Variants in DUSP22 observed in about 807,000 individuals in gnomAD.
DUSP22 encodes the protein dual specificity phosphatase 22.
A neutral mutation model predicts 24.5 loss-of-function variants in DUSP22; 24 were observed. That is an observed-to-expected ratio of 0.98 (90% CI 0.71 to 1.38). The LOEUF is 1.38. DUSP22 is among the 40% of genes most tolerant of loss of function. The pLI, the probability that DUSP22 is intolerant of heterozygous loss-of-function variation, is 0.00. For missense variants in DUSP22, 330 were observed against 269.2 expected (o/e 1.23, Z -1.58); for synonymous variants, 160 against 106.4 (o/e 1.50, Z -3.10).
At chr6:323,556 C>T (rs1316707466) in intron 3 of DUSP22, among the ~76,000 whole-genome samples, 2 of 152,306 alleles carry the variant, frequency 1.3e-5, no homozygotes, top group Non-Finnish European at 2.9e-5. Flanking sequence ...ATCCACAAGG[C>T]CCTTGGCTCC....
At chr6:312,303 A>G (rs1033324335) in intron 3 of DUSP22, among the ~76,000 whole-genome samples, 7 of 151,830 alleles carry the variant, frequency 4.6e-5, no homozygotes, top group South Asian at 2.1e-4. Context: ...TTAAAATCCA[A>G]AAAACTTCAG....
At chr6:343,350 C>T (rs1376674062) in intron 4 of DUSP22, among the ~76,000 whole-genome samples, 1 of 86,506 alleles carries the variant, frequency 1.2e-5, no homozygotes, top group East Asian at 4.2e-4. Flanking sequence ...TTGCAGGCCA[C>T]AGTAGACAGG....
At chr6:347,293 A>G (rs1008382172) in intron 5 of DUSP22, among the ~76,000 whole-genome samples, 4 of 152,302 alleles carry the variant, frequency 2.6e-5, no homozygotes, top group Admixed American at 1.3e-4. Flanking sequence ...TTATATTTGA[A>G]TATGTGTAGG....
chr6:349,345 T>G lies in DUSP22; in HGVS notation c.*394T>G. ...CTGTGCACATGAATGTTTGTGTGTG[T>G]GTGAACTCTTTCTTACTGCTGGAAG... On this transcript the variant is annotated 3_prime_UTR_variant, in exon 7 of 7. Coordinates refer to ENST00000419235, the MANE Select transcript of DUSP22 (RefSeq NM_001286555.3). The G allele has an allele frequency of 2.9e-6, 3 of 1,049,780 alleles. No homozygotes were observed. The highest frequency in any genetic ancestry group is 3.4e-6 in the Non-Finnish European group (3 of 870,490). The allele number at this position is 1,049,780 out of a possible 1,614,324, so 65.0% of individuals were successfully genotyped here.
chr6:320,915 C>T (rs1027062927), intron 3 of DUSP22, among the ~76,000 whole-genome samples: 1 of 152,294 alleles, frequency 6.6e-6, no homozygotes, highest in Non-Finnish European at 1.5e-5. Flanking sequence ...TACCTTGCAG[C>T]AGGGATTGGG....
At position 348,798 on chromosome 6, in the gene DUSP22, A is replaced by C. The variant is rs760364310; in HGVS notation, c.465A>C (p.Gly155=). 1 of 1,614,192 alleles carries C rather than the reference A, an allele frequency of 6.2e-7. No homozygotes were observed. The highest frequency in any genetic ancestry group is 1.3e-5 in the African/African-American group (1 of 74,968). ...GGCAGTGGCTGAAGGAAGAATATGG[A>C]GAGAGCCCTTTGCAGGATGCAGAAG... The part of the protein sequence containing the change: ...QYRQWLKEEY[G]ESPLQDAEEA... Residue 155 remains glycine, a synonymous_variant, in exon 7 of 7, where the codon GGA becomes GGC. Transcript: ENST00000419235.
rs759525259 is a variant in DUSP22, at chr6:335,154, C to T, written c.179C>T (p.Ser60Phe). Residue 60 changes from serine (S) to phenylalanine (F), a missense_variant, in exon 4 of 7, where the codon TCT becomes TTT. Physicochemically the swap from Ser to Phe is radical, Grantham distance 155 (BLOSUM62 -2). Coordinates refer to ENST00000419235, the MANE Select transcript of DUSP22 (RefSeq NM_001286555.3). ...YLCIPAADSP[S>F]QNLTRHFKES... ...TGCATCCCAGCAGCGGATTCACCATCTCAAAACCTGTAAGTTTCTTATTTC... is the reference window on the plus strand; with the variant it reads ...TGCATCCCAGCAGCGGATTCACCATTTCAAAACCTGTAAGTTTCTTATTTC... 1 of 1,613,840 alleles carries T rather than the reference C, an allele frequency of 6.2e-7. No homozygotes were observed. Among genetic ancestry groups the T allele is most frequent in the East Asian group, 2.2e-5 (1 of 44,886 alleles).
At chr6:315,267 G>A (rs1345879686) in intron 3 of DUSP22, among the ~76,000 whole-genome samples, 1 of 152,304 alleles carries the variant, frequency 6.6e-6, no homozygotes, top group East Asian at 1.9e-4. Flanking sequence ...ATTCTGAGGA[G>A]CTCTGACCCG....
chr6:327,638 G>A (rs935620414), intron 3 of DUSP22, among the ~76,000 whole-genome samples: 13 of 152,426 alleles, frequency 8.5e-5, no homozygotes, highest in African/African-American at 3.1e-4. Context: ...ATGCGCCTGT[G>A]TGCTGCTGGT....
intron 2 of DUSP22, among the ~76,000 whole-genome samples, chr6:309,373 A>G (rs957525238): frequency 1.3e-5 from 2 of 152,304 alleles, no homozygotes; most frequent in Non-Finnish European, 2.9e-5. Context: ...TCAGAAATAA[A>G]CTTAGGCAAA....
intron 3 of DUSP22, among the ~76,000 whole-genome samples, chr6:319,519 C>T (rs60136397): frequency 0.092 from 13,564 of 148,238 alleles, 39 homozygotes; most frequent in East Asian, 0.3. Context: ...TCTATTTCTA[C>T]CTGAATGATT....
intron 3 of DUSP22, 70 bp from the exon 4 acceptor site, chr6:335,044 T>A: frequency 6.5e-7 from 1 of 1,540,970 alleles, no homozygotes. Flanking sequence ...TGTAAATAGT[T>A]CCTTAAATAC....
At chr6:327,780 C>CAG (rs1472790538) in intron 3 of DUSP22, among the ~76,000 whole-genome samples, 1 of 152,298 alleles carries the variant, frequency 6.6e-6, no homozygotes, top group African/African-American at 2.4e-5. Context: ...AAGCCTATTC[C>CAG]AGAGAGAGAA....
chr6:343,245 G>A (rs1388805760), intron 4 of DUSP22, among the ~76,000 whole-genome samples: 1 of 152,306 alleles, frequency 6.6e-6, no homozygotes, highest in Non-Finnish European at 1.5e-5. Flanking sequence ...GTTCAACAAT[G>A]TTTAAAACCT....
Position 310,686 on chromosome 6 carries a change from G to A in DUSP22, c.56-1194G>A, listed in dbSNP as rs149458930. Among the ~76,000 whole-genome samples the A allele has an allele frequency of 5.9e-5, 9 of 152,418 alleles. No individual in the cohort carries two copies. The East Asian group carries it at 1.3e-3, about 23-fold the overall frequency. ...TTTGTCTTCTAGAGTTAATGGTTTT[G>A]TATTTAGCTTTTTAAGAATTCTCAT... is the stretch of plus-strand genomic sequence containing the variant. On this transcript the variant is annotated intron_variant, in intron 2 of 6. Coordinates refer to ENST00000419235, the MANE Select transcript of DUSP22 (RefSeq NM_001286555.3).
At chr6:336,601 G>A (rs1435424051) in intron 4 of DUSP22, among the ~76,000 whole-genome samples, 2 of 152,430 alleles carry the variant, frequency 1.3e-5, no homozygotes, top group African/African-American at 4.8e-5. Context: ...GGAAAAGTGA[G>A]GTGGTAGATC....
At chr6:345,975 C>T (rs1416594957) in intron 5 of DUSP22, 47 bp downstream of exon 5, 2 of 1,606,008 alleles carry the variant, frequency 1.2e-6, no homozygotes, top group African/African-American at 2.7e-5. Flanking sequence ...TTCTGGTCGG[C>T]TTGGCTTCCC....
chr6:347,848 C>T (rs948224688), intron 5 of DUSP22, among the ~76,000 whole-genome samples: 1 of 152,302 alleles, frequency 6.6e-6, no homozygotes, highest in East Asian at 1.9e-4. Context: ...GCATCTGGAG[C>T]CACAGCCCAT....
rs1017820859 is a variant in DUSP22, at chr6:348,752, G to A, written c.436-17G>A. On this transcript the variant is annotated splice_polypyrimidine_tract_variant and intron_variant, in intron 6 of 6. Coordinates refer to ENST00000419235, the MANE Select transcript of DUSP22 (RefSeq NM_001286555.3). ...CACATGTGTGTGACGTTTCGGGTTTGTTTCCATCCTCTCCAGTATCGGCAG... is the reference window on the plus strand; with the variant it reads ...CACATGTGTGTGACGTTTCGGGTTTATTTCCATCCTCTCCAGTATCGGCAG... 3.7e-6 allele frequency: 6 copies of A among 1,614,186 alleles called. No homozygotes were observed.
Sources: allele counts gnomAD v4.1 joint callset (sites outside exome capture counted in the v4.1 genomes callset), GRCh38; gene constraint gnomAD v4.1.1; transcripts MANE v1.5; gene names NCBI Gene and HGNC (gene_info 2026-07-23, HGNC 2026-07-21).